EFCAB6: variants seen among roughly 807,000 people sequenced by gnomAD.
EFCAB6 encodes EF-hand calcium-binding domain-containing protein 6.
In EFCAB6, 156 loss-of-function variants were observed where a neutral mutation model predicts 169.8. That is an observed-to-expected ratio of 0.92 (90% confidence interval 0.81 to 1.05). EFCAB6 has a LOEUF of 1.05. EFCAB6 is among the 50% of genes least tolerant of loss of function. The pLI is 0.00. For missense variants in EFCAB6, 1,800 were observed against 1,829.1 expected, an observed-to-expected ratio of 0.98 and a Z score of 0.29; for synonymous variants, 698 against 676.4, an observed-to-expected ratio of 1.03 and a Z score of -0.50.
intron 23 of EFCAB6, among the ~76,000 whole-genome samples, chr22:43,598,288 T>G: frequency 1.7e-5 from 2 of 114,396 alleles, no homozygotes; most frequent in Non-Finnish European, 1.6e-5. Flanking sequence ...GCCTGGGTGA[T>G]GAAAGTGAGA....
chr22:43,725,420 C>T (rs910741816), intron 8 of EFCAB6, among the ~76,000 whole-genome samples: 1 of 152,132 alleles, frequency 6.6e-6, no homozygotes, highest in Non-Finnish European at 1.5e-5. Context: ...GGATTACAGG[C>T]GTGACCCACT....
intron 12 of EFCAB6, among the ~76,000 whole-genome samples, chr22:43,679,600 C>A (rs955624640): frequency 4.6e-5 from 7 of 152,150 alleles, no homozygotes; most frequent in Admixed American, 4.6e-4. Flanking sequence ...TTTTCACTAG[C>A]AGTATATGAG....
At chr22:43,713,238 C>T (rs1040399419) in intron 9 of EFCAB6, among the ~76,000 whole-genome samples, 1 of 152,074 alleles carries the variant, frequency 6.6e-6, no homozygotes, top group Non-Finnish European at 1.5e-5. Context: ...GATCTCTATA[C>T]GAGCAGAGAT....
rs1178170685 is a variant in EFCAB6 at position 43,615,896 on chromosome 22, T to C, written c.2492A>G (p.Glu831Gly). Residue 831 changes from glutamate (E) to glycine (G), a missense_variant, in exon 21 of 32, where the codon GAA becomes GGA. Glu to Gly is a moderately conservative substitution (Grantham distance 98, BLOSUM62 -2). Coordinates refer to ENST00000262726, the MANE Select transcript of EFCAB6 (RefSeq NM_022785.4). ...CTGATGAGCCTGCTCACAAGCTAGT[T>C]CTGAATCCGCAACCTTCTGTTTTGG... ...IRPKQKVADSELACEQAHQYL... is the reference protein window; with the variant it reads ...IRPKQKVADSGLACEQAHQYL... The C allele has an allele frequency of 6.2e-7, 1 of 1,613,682 alleles. No homozygotes were observed. Among genetic ancestry groups the C allele is most frequent in the Non-Finnish European group, 8.5e-7 (1 of 1,179,938 alleles).
At chr22:43,592,538 T>TGCAGAGTAAATATGTGC (rs1342250371) in intron 23 of EFCAB6, among the ~76,000 whole-genome samples, 5 of 152,208 alleles carry the variant, frequency 3.3e-5, no homozygotes, top group Non-Finnish European at 7.3e-5. Context: ...TTATTTCCCT[T>TGCAGAGTAAATATGTGC]GCAGAGTAAA....
At chr22:43,598,172 T>G (rs2052165976) in intron 23 of EFCAB6, among the ~76,000 whole-genome samples, 1 of 151,752 alleles carries the variant, frequency 6.6e-6, no homozygotes, top group Non-Finnish European at 1.5e-5. Flanking sequence ...CTAGGTGTGG[T>G]GGTGTGTACC....
intron 27 of EFCAB6, among the ~76,000 whole-genome samples, chr22:43,545,422 T>C (rs2047998801): frequency 6.6e-6 from 1 of 152,220 alleles, no homozygotes; most frequent in Non-Finnish European, 1.5e-5. Flanking sequence ...GGATACATAT[T>C]TTTAAAAACA....
chr22:43,608,000 C>T (rs2053037562), intron 22 of EFCAB6, among the ~76,000 whole-genome samples: 1 of 152,208 alleles, frequency 6.6e-6, no homozygotes, highest in Non-Finnish European at 1.5e-5. Flanking sequence ...GAAGCTACTC[C>T]AAGTTGCTAA....
Position 43,628,421 on chromosome 22 carries a change from G to A in EFCAB6, c.2233-1742C>T, listed in dbSNP as rs148637310. Reference sequence around the variant, plus strand: ...GTCGCTGGAGTCCTGCAGGAACCTCGTGATGGCTCCCAGCTGCCATCGTCG... The same window carrying A: ...GTCGCTGGAGTCCTGCAGGAACCTCATGATGGCTCCCAGCTGCCATCGTCG... On this transcript the variant is annotated intron_variant, in intron 19 of 31. Transcript: ENST00000262726. The surrounding 1 kb of genome is among the most constrained non-coding windows in gnomAD (Gnocchi z 4.8). Among the ~76,000 whole-genome samples, 940 of 152,206 alleles carry A rather than the reference G, an allele frequency of 6.2e-3. 6 individuals carry two copies. Among genetic ancestry groups the A allele is most frequent in the Non-Finnish European group, 8.3e-3 (562 of 68,020 alleles).
At chr22:43,733,917 C>T (rs2060045266) in intron 7 of EFCAB6, among the ~76,000 whole-genome samples, 2 of 152,084 alleles carry the variant, frequency 1.3e-5, no homozygotes, top group South Asian at 4.2e-4. Flanking sequence ...CCATGTTGGC[C>T]AGGACGGTCT....
intron 6 of EFCAB6, among the ~76,000 whole-genome samples, chr22:43,739,033 T>A (rs1481479993): frequency 6.6e-6 from 1 of 152,144 alleles, no homozygotes; most frequent in East Asian, 1.9e-4. Context: ...AGATGAGCTG[T>A]CTCAGAAATA....
intron 17 of EFCAB6, among the ~76,000 whole-genome samples, chr22:43,659,141 G>T (rs192060249): frequency 6.6e-6 from 1 of 152,160 alleles, no homozygotes; most frequent in East Asian, 1.9e-4. Flanking sequence ...TTTCTTATGC[G>T]CTCTCTCTGG....
intron 4 of EFCAB6, among the ~76,000 whole-genome samples, chr22:43,765,905 A>T (rs2061312582): frequency 6.6e-6 from 1 of 152,310 alleles, no homozygotes. Flanking sequence ...TATTATCTCA[A>T]TGTTTAATTT....
intron 24 of EFCAB6, among the ~76,000 whole-genome samples, chr22:43,585,372 G>C (rs1053566254): frequency 6.6e-6 from 1 of 151,996 alleles, no homozygotes; most frequent in African/African-American, 2.4e-5. Context: ...TGGTTGAGGA[G>C]AGAATTAGTG....
intron 22 of EFCAB6, among the ~76,000 whole-genome samples, chr22:43,604,060 C>T (rs2052731453): frequency 1.3e-5 from 2 of 151,410 alleles, no homozygotes; most frequent in Admixed American, 1.3e-4. Flanking sequence ...CGCTGGCTCC[C>T]TTTTTTTTTC....
intron 17 of EFCAB6, among the ~76,000 whole-genome samples, chr22:43,635,948 G>A (rs1351345772): frequency 2.0e-5 from 3 of 152,182 alleles, no homozygotes; most frequent in Admixed American, 6.5e-5. Flanking sequence ...CTGCCTGCGT[G>A]GATGTGAGCC....
intron 12 of EFCAB6, chr22:43,683,524 C>T: frequency 1.9e-6 from 1 of 524,912 alleles, no homozygotes; most frequent in South Asian, 2.5e-5. Flanking sequence ...TACTGTATTG[C>T]AATTAATTTT....
chr22:43,634,768 A>G (rs1296547762), intron 18 of EFCAB6, among the ~76,000 whole-genome samples: 1 of 152,064 alleles, frequency 6.6e-6, no homozygotes, highest in Non-Finnish European at 1.5e-5. Context: ...TGTGTGTGGT[A>G]TTGTTAACTA....
intron 27 of EFCAB6, 59 bp from the exon 28 acceptor site, chr22:43,540,416 C>T (rs767716322): frequency 1.2e-6 from 2 of 1,606,992 alleles, no homozygotes; most frequent in Non-Finnish European, 8.5e-7. Flanking sequence ...CAGCGTCGCA[C>T]CTGTGCCAGC....
Sources: allele counts gnomAD v4.1 joint callset (sites outside exome capture counted in the v4.1 genomes callset), GRCh38; gene constraint gnomAD v4.1.1; non-coding constraint Gnocchi (gnomAD v3.1); transcripts MANE v1.5; gene names NCBI Gene and HGNC (gene_info 2026-07-23, HGNC 2026-07-21).